The following AKR1C2 variants were observed in gnomAD, a reference collection of about 807,000 sequenced individuals.
AKR1C2 encodes 3-alpha-HSD3.
AKR1C2 carries 27 observed loss-of-function variants against 39.8 expected under a neutral mutation model. The observed-to-expected ratio is 0.68, with a 90% CI of 0.50 to 0.93. AKR1C2 has a LOEUF of 0.93. AKR1C2 is among the 40% of genes least tolerant of loss of function. The pLI is 0.00. For missense variants in AKR1C2, 263 were observed against 365.1 expected, an observed-to-expected ratio of 0.72 and a Z score of 2.28; for synonymous variants, 114 against 137.9, an observed-to-expected ratio of 0.83 and a Z score of 1.22.
At position 4,989,245 on chromosome 10, in the gene AKR1C2, T is replaced by C. The variant is rs1424098484; in HGVS notation, c.*751A>G. 6.6e-6 allele frequency: 1 copy of C among 152,202 alleles called. No homozygotes were observed. Among genetic ancestry groups the C allele is most frequent in the Non-Finnish European group, 1.5e-5 (1 of 68,050 alleles). 9.4% of individuals were successfully genotyped at this position (152,202 alleles called of 1,614,324 possible). ...GTTGTGAATGGGCACACATCAAAGA[T>C]TCAGGCCTGACTCTCAGCTGTGGGG... On this transcript the variant is annotated 3_prime_UTR_variant, in exon 9 of 9. Coordinates refer to ENST00000380753, the MANE Select transcript of AKR1C2 (RefSeq NM_001393392.1).
At chr10:4,993,470 A>G (rs1264925968) in intron 7 of AKR1C2, among the ~76,000 whole-genome samples, 4 of 152,190 alleles carry the variant, frequency 2.6e-5, no homozygotes, top group Non-Finnish European at 5.9e-5. Context: ...ATTTCACATA[A>G]TATTTTAAAA....
chr10:5,000,361 A>G lies in AKR1C2; in HGVS notation c.369+189T>C, dbSNP rs782018433. 122 of 1,545,432 alleles carry G rather than the reference A, an allele frequency of 7.9e-5. 4 individuals carry two copies. In the South Asian group the frequency reaches 1.5e-3, roughly 18 times the overall value. ...GCACTCTCTTTTCTTGTAGACATGC[A>G]ATCACGGAAGTATGGATTCAAAATT... On this transcript the variant is annotated intron_variant, in intron 3 of 8. Transcript: ENST00000380753.
rs1255165504 is a variant in AKR1C2 at position 4,988,367 on chromosome 10, G to A, written c.*1629C>T. 6.6e-6 allele frequency: 1 copy of A among 152,160 alleles called. No homozygotes were observed. The highest frequency in any genetic ancestry group is 1.5e-5 in the Non-Finnish European group (1 of 68,042). The allele number at this position is 152,160 out of a possible 1,614,324, so 9.4% of individuals were successfully genotyped here. A position where few individuals can be genotyped will look rare whatever the true frequency, so the allele number is the denominator to read the frequency against. On this transcript the variant is annotated 3_prime_UTR_variant, in exon 9 of 9. Coordinates refer to ENST00000380753, the MANE Select transcript of AKR1C2 (RefSeq NM_001393392.1). Reference sequence around the variant, plus strand: ...GTCCATTAAACTTTAACATGGAGATGCAGAGTTCACATTATGATCTTCCAT... The same window carrying A: ...GTCCATTAAACTTTAACATGGAGATACAGAGTTCACATTATGATCTTCCAT...
intron 1 of AKR1C2, among the ~76,000 whole-genome samples, chr10:5,017,567 T>C (rs1837668492): frequency 6.6e-6 from 1 of 152,196 alleles, no homozygotes; most frequent in Non-Finnish European, 1.5e-5. Flanking sequence ...CAGCCTGGAC[T>C]TCATTGTTCA....
In AKR1C2 at chr10:4,989,499, G is replaced by A. The variant is rs1836765050; in HGVS notation, c.*497C>T. ...AAACTCTGACCCTCGCACTGCTGGA[G>A]GGAGCCCATGAATTGCTAGTCAATA... On this transcript the variant is annotated 3_prime_UTR_variant, in exon 9 of 9. Transcript: ENST00000380753. The A allele has an allele frequency of 6.5e-6, 1 of 153,396 alleles. No individual in the cohort carries two copies. The highest frequency in any genetic ancestry group is 2.1e-4 in the South Asian group (1 of 4,868). 9.5% of individuals were successfully genotyped at this position (153,396 alleles called of 1,614,324 possible).
chr10:4,990,082 C>T (rs1554771982), intron 8 of AKR1C2, 44 bp from the exon 9 acceptor site: 1 of 1,608,894 alleles, frequency 6.2e-7, no homozygotes, highest in African/African-American at 1.3e-5. Flanking sequence ...GGCAATGACT[C>T]CGTTACTAGC....
chr10:5,005,443 G>A (rs1229761038), upstream of AKR1C2, among the ~76,000 whole-genome samples: 22 of 152,264 alleles, frequency 1.4e-4, no homozygotes, highest in Non-Finnish European at 2.9e-4. Context: ...AGCACTTTGG[G>A]AGGCCAAGGT....
At chr10:4,996,103 C>T (rs189362843) in intron 5 of AKR1C2, 802 of 660,362 alleles carry the variant, frequency 1.2e-3, no homozygotes, top group Non-Finnish European at 1.5e-3. Context: ...TCAATAACTC[C>T]GACCACTAGA....
At chr10:5,010,419 T>C (rs1389754736) in intron 1 of AKR1C2, 3 of 151,982 alleles carry the variant, frequency 2.0e-5, no homozygotes, top group Non-Finnish European at 2.9e-5. Flanking sequence ...CTGTAACTTC[T>C]CTCATCTTTT....
At chr10:5,007,562 A>G (rs1837430603), upstream of AKR1C2, 2 of 149,658 alleles carry the variant, frequency 1.3e-5, no homozygotes, top group South Asian at 4.3e-4. Context: ...GGGAATCCAG[A>G]TTTTAGCAAA....
chr10:5,017,745 C>G (rs1390932165), intron 1 of AKR1C2, among the ~76,000 whole-genome samples: 4 of 152,160 alleles, frequency 2.6e-5, no homozygotes, highest in African/African-American at 9.7e-5. Context: ...ATCAATGCTT[C>G]ACTATTTAGT....
intron 1 of AKR1C2, among the ~76,000 whole-genome samples, chr10:5,013,122 T>C (rs75330367): frequency 0.013 from 1,940 of 152,218 alleles, 49 homozygotes; most frequent in African/African-American, 0.044. Context: ...ACAAAATAAT[T>C]TGTAGAACAA....
chr10:4,992,683 G>A (rs1836881026), intron 7 of AKR1C2, among the ~76,000 whole-genome samples: 1 of 147,484 alleles, frequency 6.8e-6, no homozygotes. Context: ...GGGCACGTTG[G>A]CTCACGCCTA....
chr10:5,011,130 A>G (rs184837787), intron 1 of AKR1C2, among the ~76,000 whole-genome samples: 1 of 152,316 alleles, frequency 6.6e-6, no homozygotes, highest in East Asian at 1.9e-4. Context: ...CTGATATCCA[A>G]AATTTATAAG....
At chr10:4,992,791 A>C (rs1836885739) in intron 7 of AKR1C2, among the ~76,000 whole-genome samples, 1 of 152,210 alleles carries the variant, frequency 6.6e-6, no homozygotes, top group Non-Finnish European at 1.5e-5. Context: ...CTCTACTAAA[A>C]TACAAAAAAT....
chr10:5,000,417 T>A, intron 3 of AKR1C2, 133 bp downstream of exon 3: 1 of 1,578,920 alleles, frequency 6.3e-7, no homozygotes, highest in Non-Finnish European at 8.6e-7. Context: ...GAATTAGGAG[T>A]TATGTTTAGG....
intron 7 of AKR1C2, among the ~76,000 whole-genome samples, chr10:4,994,206 T>C (rs1836946362): frequency 1.3e-5 from 2 of 151,984 alleles, no homozygotes; most frequent in African/African-American, 4.8e-5. Context: ...CATATGTATG[T>C]ATTCTGGATG....
At chr10:5,008,249 C>T (rs1554774594), upstream of AKR1C2, among the ~76,000 whole-genome samples, 1 of 138,888 alleles carries the variant, frequency 7.2e-6, no homozygotes, top group African/African-American at 2.6e-5. Flanking sequence ...TAAATAAAAG[C>T]TTTATGTTGG....
In AKR1C2 at chr10:4,989,878, C is replaced by T. The variant is rs533802408; in HGVS notation, c.*118G>A. The T allele has an allele frequency of 9.3e-5, 135 of 1,447,644 alleles. No homozygotes were observed. The highest frequency in any genetic ancestry group is 1.2e-4 in the Non-Finnish European group (127 of 1,060,396). 89.7% of individuals were successfully genotyped at this position (1,447,644 alleles called of 1,614,324 possible). A position where few individuals can be genotyped will look rare whatever the true frequency, so the allele number is the denominator to read the frequency against. ...GGGCTTAGCTGTAGCTTACTGAAGTCGCCAAGCAGGAGAGATTTAACCAGA... is the reference window on the plus strand; with the variant it reads ...GGGCTTAGCTGTAGCTTACTGAAGTTGCCAAGCAGGAGAGATTTAACCAGA... On this transcript the variant is annotated 3_prime_UTR_variant, in exon 9 of 9. Transcript: ENST00000380753.
Sources: allele counts gnomAD v4.1 joint callset (sites outside exome capture counted in the v4.1 genomes callset), GRCh38; gene constraint gnomAD v4.1.1; transcripts MANE v1.5; gene names NCBI Gene and HGNC (gene_info 2026-07-23, HGNC 2026-07-21).